Variants in KREMEN1 observed in about 807,000 individuals in gnomAD.
KREMEN1 encodes the protein kremen protein 1.
In KREMEN1, 30 loss-of-function variants were observed where a neutral mutation model predicts 46.5. That is an observed-to-expected ratio of 0.65 (90% CI 0.48 to 0.88). The LOEUF (loss-of-function observed/expected upper bound fraction) is 0.88, where lower values mean the gene tolerates loss of function less well. Ranked by LOEUF, KREMEN1 falls within the 40% of genes least tolerant of loss-of-function variation. The pLI is 0.00. For missense variants in KREMEN1, 533 were observed against 596.9 expected, an observed-to-expected ratio of 0.89 and a Z score of 1.11; for synonymous variants, 214 against 230.6, an observed-to-expected ratio of 0.93 and a Z score of 0.65.
chr22:29,095,628 G>A (rs2037872183), intron 2 of KREMEN1, among the ~76,000 whole-genome samples: 1 of 152,166 alleles, frequency 6.6e-6, no homozygotes. Context: ...TCTCAACCAT[G>A]GCACTGTTGA....
downstream of KREMEN1, among the ~76,000 whole-genome samples, chr22:29,148,845 A>G (rs132283): frequency 0.92 from 140,022 of 152,146 alleles, 64,574 homozygotes; most frequent in East Asian, 1. Flanking sequence ...GCCAGGTGAA[A>G]TCTCCCTCAT....
At chr22:29,147,114 C>G (rs866482226), downstream of KREMEN1, among the ~76,000 whole-genome samples, 2 of 152,132 alleles carry the variant, frequency 1.3e-5, no homozygotes, top group Non-Finnish European at 2.9e-5. Context: ...GATCTGGGCT[C>G]GAGCCGGCCT....
chr22:29,140,322 A>C lies in KREMEN1; in HGVS notation c.1164A>C (p.Thr388=). 1 of 1,614,174 alleles carries C rather than the reference A, an allele frequency of 6.2e-7. No individual in the cohort carries two copies. The highest frequency in any genetic ancestry group is 8.5e-7 in the Non-Finnish European group (1 of 1,179,994). ...VYGLATLLIL[T]VTAIVAKILL... ...GTCTGGCAACTCTCCTCATCCTCAC[A>C]GTCACAGCCATTGTAGCAAAGATAC... Residue 388 remains threonine (T), a synonymous_variant, in exon 8 of 9, where the codon ACA becomes ACC. Transcript: ENST00000400335.
At position 29,122,229 on chromosome 22, in the gene KREMEN1, G is replaced by A. The variant is rs1327911776; in HGVS notation, c.477+748G>A. On this transcript the variant is annotated intron_variant, in intron 4 of 8. Transcript: ENST00000400335. Reference sequence around the variant, plus strand: ...GAAAAGATGCTCAGCATCACCAGTTGTCAGGGAAATACAAATTAAAACCAC... The same window carrying A: ...GAAAAGATGCTCAGCATCACCAGTTATCAGGGAAATACAAATTAAAACCAC... 2.0e-5 allele frequency among the ~76,000 whole-genome samples: 3 copies of A among 152,252 alleles called. No individual in the cohort carries two copies. In the East Asian group the frequency reaches 5.8e-4, roughly 29 times the overall value.
intron 8 of KREMEN1, among the ~76,000 whole-genome samples, 190 bp downstream of exon 8, chr22:29,140,556 A>T (rs932895616): frequency 5.9e-5 from 9 of 152,156 alleles, no homozygotes; most frequent in African/African-American, 2.2e-4. Flanking sequence ...GACAAATCTC[A>T]TTAAGGTTTC....
chr22:29,114,442 C>A (rs1439226083), intron 3 of KREMEN1, among the ~76,000 whole-genome samples: 3 of 143,794 alleles, frequency 2.1e-5, no homozygotes, highest in Non-Finnish European at 4.5e-5. Flanking sequence ...ACCAAGATCA[C>A]ACCATTGTAC....
intron 3 of KREMEN1, among the ~76,000 whole-genome samples, chr22:29,106,494 A>G (rs962603560): frequency 6.6e-6 from 1 of 151,102 alleles, no homozygotes; most frequent in Non-Finnish European, 1.5e-5. Flanking sequence ...CTCCCAACAC[A>G]TTATCTTATT....
At chr22:29,157,948 A>G (rs1475149593) in intron 9 of KREMEN1, among the ~76,000 whole-genome samples, 1 of 152,126 alleles carries the variant, frequency 6.6e-6, no homozygotes, top group Non-Finnish European at 1.5e-5. Context: ...CTCACATTTC[A>G]TTGTCTGTTA....
intron 1 of KREMEN1, among the ~76,000 whole-genome samples, chr22:29,085,247 G>A (rs2037711134): frequency 6.6e-6 from 1 of 152,152 alleles, no homozygotes; most frequent in South Asian, 2.1e-4. Context: ...CACAAATAGA[G>A]AAGAGAGTAT....
intron 3 of KREMEN1, among the ~76,000 whole-genome samples, chr22:29,106,533 G>T (rs1176568772): frequency 2.6e-5 from 4 of 152,008 alleles, no homozygotes; most frequent in South Asian, 2.1e-4. Context: ...TATGAAGCAG[G>T]TGGCATGTCT....
intron 4 of KREMEN1, among the ~76,000 whole-genome samples, chr22:29,124,773 G>A (rs1206027233): frequency 2.6e-5 from 4 of 152,088 alleles, no homozygotes; most frequent in South Asian, 2.1e-4. Flanking sequence ...GATTACAGAC[G>A]TAAGCCACCA....
intron 3 of KREMEN1, among the ~76,000 whole-genome samples, chr22:29,101,259 A>G (rs1424602041): frequency 1.3e-5 from 2 of 150,886 alleles, no homozygotes; most frequent in Non-Finnish European, 1.5e-5. Flanking sequence ...CTCCAAAAAA[A>G]AAAAAAAAAA....
At chr22:29,161,120 A>G (rs1000528102) in intron 9 of KREMEN1, among the ~76,000 whole-genome samples, 1 of 152,216 alleles carries the variant, frequency 6.6e-6, no homozygotes, top group African/African-American at 2.4e-5. Flanking sequence ...GAAAATCTAG[A>G]GGCAATAGAT....
chr22:29,079,631 C>T (rs1434317509), intron 1 of KREMEN1, among the ~76,000 whole-genome samples: 2 of 152,172 alleles, frequency 1.3e-5, no homozygotes, highest in African/African-American at 4.8e-5. Flanking sequence ...AGAACCAGAA[C>T]GGTATACTCA....
At chr22:29,134,185 T>A (rs1195926200) in intron 5 of KREMEN1, 2 of 151,230 alleles carry the variant, frequency 1.3e-5, no homozygotes, top group African/African-American at 4.9e-5. Flanking sequence ...AGAGACAAGG[T>A]CTCACTCTGC....
At chr22:29,079,745 G>A (rs759162493) in intron 1 of KREMEN1, among the ~76,000 whole-genome samples, 2 of 152,190 alleles carry the variant, frequency 1.3e-5, no homozygotes, top group Non-Finnish European at 2.9e-5. Flanking sequence ...GACTCTGCGT[G>A]GTTTCTTCAC....
chr22:29,093,701 T>TTCATTACCAGGGAATGTGAG (rs1291232117), intron 1 of KREMEN1, among the ~76,000 whole-genome samples: 7 of 152,242 alleles, frequency 4.6e-5, no homozygotes, highest in African/African-American at 9.6e-5. Context: ...AGGACTGTTC[T>TTCATTACCAGGGAATGTGAG]TCATTACCAG....
chr22:29,148,240 A>T (rs999911117), downstream of KREMEN1, among the ~76,000 whole-genome samples: 12 of 152,160 alleles, frequency 7.9e-5, no homozygotes, highest in African/African-American at 2.7e-4. Context: ...GCCCCCCACA[A>T]GGAGCACAGG....
chr22:29,135,636 T>G (rs2038645346), intron 5 of KREMEN1, among the ~76,000 whole-genome samples: 5 of 152,168 alleles, frequency 3.3e-5, no homozygotes, highest in African/African-American at 9.7e-5. Flanking sequence ...GCAGAAAAGC[T>G]CACAAGTGAG....
Sources: gnomAD v4.1 joint callset for allele counts (sites outside exome capture counted in the v4.1 genomes callset) on GRCh38, gnomAD v4.1.1 for gene constraint, MANE v1.5 for transcripts, NCBI Gene and HGNC (gene_info 2026-07-23, HGNC 2026-07-21) for gene names.